Variants in ASXL1 observed in about 807,000 individuals in gnomAD.
ASXL1 encodes polycomb group protein ASXL1.
A neutral mutation model predicts 89.1 loss-of-function variants in ASXL1; 65 were observed. That is an observed-to-expected ratio of 0.73 (90% confidence interval 0.60 to 0.90). ASXL1 has a LOEUF of 0.90. ASXL1 is among the 40% of genes least tolerant of loss of function. The probability of loss-of-function intolerance (pLI) is 0.00; values close to 1 mark genes in which losing one functional copy is unlikely to be tolerated. For missense variants in ASXL1, 1,786 were observed against 1,942.9 expected, an observed-to-expected ratio of 0.92 and a Z score of 1.52; for synonymous variants, 739 against 746.9, an observed-to-expected ratio of 0.99 and a Z score of 0.17.
intron 4 of ASXL1, among the ~76,000 whole-genome samples, chr20:32,383,456 G>A (rs183088665): frequency 1.1e-4 from 16 of 152,104 alleles, no homozygotes; most frequent in African/African-American, 3.6e-4. Flanking sequence ...ATAGGCGCCC[G>A]CCACCATGCC....
chr20:32,421,025 C>G (rs369987833), intron 4 of ASXL1, among the ~76,000 whole-genome samples: 1 of 149,316 alleles, frequency 6.7e-6, no homozygotes, highest in Non-Finnish European at 1.5e-5. Flanking sequence ...CAGTGAGAAC[C>G]CATGGACACA....
intron 4 of ASXL1, among the ~76,000 whole-genome samples, chr20:32,389,149 G>A (rs770311672): frequency 5.3e-5 from 8 of 151,884 alleles, no homozygotes; most frequent in Admixed American, 3.3e-4. Context: ...ATGTGTTACT[G>A]AAGTTTAAGT....
chr20:32,366,308 T>C, intron 1 of ASXL1, 76 bp from the exon 2 acceptor site: 1 of 1,313,066 alleles, frequency 7.6e-7, no homozygotes, highest in Non-Finnish European at 1.1e-6. Flanking sequence ...ATAGCATAAC[T>C]TTAGCCCATG....
intron 10 of ASXL1, 100 bp downstream of exon 10, chr20:32,431,779 G>C: frequency 2.4e-6 from 3 of 1,250,366 alleles, no homozygotes; most frequent in Non-Finnish European, 2.3e-6. Context: ...TTCTCAAAGG[G>C]TTATTTAGTA....
chr20:32,372,388 A>G (rs946166710), intron 4 of ASXL1: 1 of 1,131,758 alleles, frequency 8.8e-7, no homozygotes, highest in Non-Finnish European at 1.1e-6. Context: ...ATCCATAGGC[A>G]TCACTTCTCT....
At chr20:32,418,151 C>T (rs933609391) in intron 4 of ASXL1, among the ~76,000 whole-genome samples, 3 of 151,470 alleles carry the variant, frequency 2.0e-5, no homozygotes, top group African/African-American at 7.3e-5. Context: ...GTACTCCAGC[C>T]CAGATGACAG....
intron 4 of ASXL1, among the ~76,000 whole-genome samples, chr20:32,390,291 C>T (rs1165898523): frequency 6.6e-6 from 1 of 152,090 alleles, no homozygotes; most frequent in East Asian, 1.9e-4. Flanking sequence ...CTCTTCAATG[C>T]ATATCACTTT....
At position 32,436,483 on chromosome 20, in the gene ASXL1, T is replaced by C. The variant is rs1370233668; in HGVS notation, c.3771T>C (p.Ala1257=). The change falls in exon 13 of 13, where the codon GCT becomes GCC. Residue 1257 remains alanine, a synonymous_variant. Transcript: ENST00000375687. ...RAMSQDSNSN[A]APGKSPGDLT... ...TGTCACAGGACAGTAATTCAAATGC[T>C]GCTCCAGGAAAGAGCCCAGGAGATC... 6.2e-6 allele frequency: 10 copies of C among 1,614,216 alleles called. No individual in the cohort carries two copies. The highest frequency in any genetic ancestry group is 8.5e-6 in the Non-Finnish European group (10 of 1,180,036).
At chr20:32,424,243 C>G (rs997641398) in intron 4 of ASXL1, among the ~76,000 whole-genome samples, 2 of 152,086 alleles carry the variant, frequency 1.3e-5, no homozygotes, top group Non-Finnish European at 2.9e-5. Context: ...TACTAAAACT[C>G]TACCACCTAG....
intron 1 of ASXL1, chr20:32,359,373 C>T: frequency 1.4e-6 from 1 of 702,498 alleles, no homozygotes. Flanking sequence ...CCAGCTTGAA[C>T]CCTGAGCAGC....
intron 4 of ASXL1, among the ~76,000 whole-genome samples, chr20:32,395,593 C>G (rs1025010578): frequency 1.3e-5 from 2 of 152,030 alleles, no homozygotes; most frequent in Non-Finnish European, 2.9e-5. Flanking sequence ...TTGTACTTCC[C>G]CACCGCATCT....
rs559024463 is a variant in ASXL1, at chr20:32,423,286, A to G, written c.253-4842A>G. Among the ~76,000 whole-genome samples the G allele has an allele frequency of 1.1e-3, 165 of 151,980 alleles. 1 individual carries two copies. The highest frequency in any genetic ancestry group is 5.2e-4 in the Non-Finnish European group (35 of 67,958). On this transcript the variant is annotated intron_variant, in intron 4 of 12. Transcript: ENST00000375687. ...ACTCTGTCGCCCTGGCTGAAGTGCA[A>G]TGGCATGATCTCAGCTCACTGCAAC...
chr20:32,425,050 G>A (rs1433754755), intron 4 of ASXL1, among the ~76,000 whole-genome samples: 7 of 151,930 alleles, frequency 4.6e-5, no homozygotes, highest in Admixed American at 6.6e-5. Flanking sequence ...TTACCTACCC[G>A]TCTTTGCATT....
intron 4 of ASXL1, among the ~76,000 whole-genome samples, chr20:32,419,958 G>A (rs1051383756): frequency 2.0e-5 from 3 of 151,970 alleles, no homozygotes; most frequent in Non-Finnish European, 4.4e-5. Context: ...GGCATTACAG[G>A]CATGAGCCCC....
chr20:32,372,794 T>C (rs2048320110), intron 4 of ASXL1, among the ~76,000 whole-genome samples: 2 of 151,588 alleles, frequency 1.3e-5, no homozygotes, highest in African/African-American at 2.4e-5. Context: ...GGGATTTTAC[T>C]ATGTTGGCCA....
intron 4 of ASXL1, among the ~76,000 whole-genome samples, chr20:32,382,621 A>C (rs57571883): frequency 1.5e-5 from 2 of 129,672 alleles, no homozygotes; most frequent in Non-Finnish European, 1.8e-5. Context: ...AAAAAAAAAA[A>C]AAAAAACAAA....
intron 11 of ASXL1, 41 bp from the exon 12 acceptor site, chr20:32,433,243 C>A (rs2123250889): frequency 6.2e-7 from 1 of 1,613,596 alleles, no homozygotes; most frequent in South Asian, 1.1e-5. Context: ...GAGACATGTC[C>A]ACTCTGGCCT....
At chr20:32,426,541 C>CTTTTTTTTTTGTTTTTTTTT (rs1014372390) in intron 4 of ASXL1, among the ~76,000 whole-genome samples, 1 of 92,564 alleles carries the variant, frequency 1.1e-5, no homozygotes, top group African/African-American at 3.5e-5. Flanking sequence ...AAACTGTTTT[C>CTTTTTTTTTTGTTTTTTTTT]TTTTTTTTCT....
chr20:32,435,954 T>C lies in ASXL1; in HGVS notation c.3242T>C (p.Leu1081Pro). The C allele has an allele frequency of 6.2e-7, 1 of 1,614,088 alleles. No homozygotes were observed. The highest frequency in any genetic ancestry group is 8.5e-7 in the Non-Finnish European group (1 of 1,179,966). The change falls in exon 13 of 13, where the codon CTG (leucine) becomes CCG (proline). Residue 1081 changes from leucine (L) to proline (P), a missense_variant. Around this residue, in one of 3 missense-constraint regions of ASXL1, gnomAD observed 1,418 missense variants for 1,427.8 expected, o/e 0.99. Transcript: ENST00000375687. Reference sequence around the variant, plus strand: ...CGCCAAAAGATCCCAGATTCCCTACTGCTGGCCAGTACTGAGTACCAGCCA... The same window carrying C: ...CGCCAAAAGATCCCAGATTCCCTACCGCTGGCCAGTACTGAGTACCAGCCA... ...AVRQKIPDSL[L>P]LASTEYQPRA...
Sources: gnomAD v4.1 joint callset for allele counts (sites outside exome capture counted in the v4.1 genomes callset) on GRCh38, gnomAD v4.1.1 for gene constraint, gnomAD v4.1.1 regional missense constraint, MANE v1.5 for transcripts, NCBI Gene and HGNC (gene_info 2026-07-23, HGNC 2026-07-21) for gene names.